SH3TC1: variants seen among roughly 807,000 people sequenced by gnomAD.
SH3TC1 encodes SH3 domain and tetratricopeptide repeats 1.
Under a neutral mutation model 117.3 loss-of-function variants are expected in SH3TC1, and 135 were observed. The ratio of observed to expected loss-of-function variants is 1.15; its 90% confidence interval spans 1.00 to 1.33. SH3TC1 has a LOEUF of 1.33. Among genes scored for constraint, SH3TC1 ranks in the 40% most tolerant of loss-of-function variants. The pLI is 0.00. For synonymous variants in SH3TC1, 898 were observed against 816.9 expected (o/e 1.10, Z -1.69); for missense variants, 2,092 against 1,794.3 (o/e 1.17, Z -3.00).
At chr4:8,202,760 CG>C (rs529478450) in intron 1 of SH3TC1, among the ~76,000 whole-genome samples, 38 of 152,330 alleles carry the variant, frequency 2.5e-4, no homozygotes, top group Admixed American at 2.2e-3. Context: ...ATTCCCTCCC[CG>C]GCCAGAGCTA....
Position 8,233,400 on chromosome 4 carries a change from C to A in SH3TC1, c.3169C>A (p.Leu1057Met). 1 of 1,613,776 alleles carries A rather than the reference C, an allele frequency of 6.2e-7. No homozygotes were observed. The highest frequency in any genetic ancestry group is 8.5e-7 in the Non-Finnish European group (1 of 1,179,842). The change falls in exon 14 of 18, where the codon CTG (leucine) becomes ATG (methionine). Residue 1057 changes from leucine (L) to methionine (M), a missense_variant. Leu to Met is a conservative substitution (Grantham distance 15). Transcript: ENST00000245105. ...CGCACTGGACTACACCAAACGAAGT[C>A]TGGGGATTTTCATTGACCTCCAGAA... ...KSALDYTKRSLGIFIDLQKKE... is the reference protein window; with the variant it reads ...KSALDYTKRSMGIFIDLQKKE...
In SH3TC1 at chr4:8,205,005, C is replaced by T. The variant is rs1718078186; in HGVS notation, c.-28-162C>T. 8.3e-6 allele frequency: 4 copies of T among 481,734 alleles called. No individual in the cohort carries two copies. Among genetic ancestry groups the T allele is most frequent in the Non-Finnish European group, 1.4e-5 (4 of 287,584 alleles). The allele number at this position is 481,734 out of a possible 1,614,324, so 29.8% of individuals were successfully genotyped here. ...CGCAGCAGCGGTGCGGGATCACGCC[C>T]ACCACAACACGGTGCACGGTGCGGT... On this transcript the variant is annotated intron_variant, in intron 1 of 17. Coordinates refer to ENST00000245105, the MANE Select transcript of SH3TC1 (RefSeq NM_018986.5). This position sits in a 1 kb window ranked among gnomAD's most constrained non-coding sequence, Gnocchi z 5.4.
Position 8,227,882 on chromosome 4 carries a change from G to C in SH3TC1, c.2188G>C (p.Val730Leu). The C allele has an allele frequency of 6.2e-7, 1 of 1,612,810 alleles. No individual in the cohort carries two copies. The highest frequency in any genetic ancestry group is 8.5e-7 in the Non-Finnish European group (1 of 1,179,980). The change falls in exon 12 of 18, where the codon GTC (valine) becomes CTC (leucine). Residue 730 changes from valine (V) to leucine (L), a missense_variant. Val to Leu is a conservative substitution (Grantham distance 32). Transcript: ENST00000245105. Reference sequence around the variant, plus strand: ...CCTGCCCCACCTGGTGCTGAGCTGTGTCAAGGTGGCCTCATTGCGGACACG... The same window carrying C: ...CCTGCCCCACCTGGTGCTGAGCTGTCTCAAGGTGGCCTCATTGCGGACACG... ...KCLPHLVLSC[V>L]KVASLRTRGS...
intron 4 of SH3TC1, chr4:8,213,113 C>T (rs1718900034): frequency 6.6e-6 from 3 of 456,388 alleles, no homozygotes; most frequent in Non-Finnish European, 3.9e-6. Flanking sequence ...GCCCTCCACC[C>T]ACAAGGACTG....
In SH3TC1 at chr4:8,210,980, C is replaced by T. The variant is rs1718620563; in HGVS notation, c.247+1158C>T. Among the ~76,000 whole-genome samples, 1 of 151,698 alleles carries T rather than the reference C, an allele frequency of 6.6e-6. No individual in the cohort carries two copies. The highest frequency in any genetic ancestry group is 1.5e-5 in the Non-Finnish European group (1 of 67,970). ...CAAAGGTGTGAGAATCCATCTCTGT[C>T]TCTGTCTCATTTCCATCTGTCTCTC... On this transcript the variant is annotated intron_variant, in intron 3 of 17. Coordinates refer to ENST00000245105, the MANE Select transcript of SH3TC1 (RefSeq NM_018986.5). The surrounding 1 kb of genome is among the most constrained non-coding windows in gnomAD (Gnocchi z 4.1).
chr4:8,207,960 G>A (rs1034961791), intron 2 of SH3TC1, among the ~76,000 whole-genome samples: 1 of 152,222 alleles, frequency 6.6e-6, no homozygotes, highest in Non-Finnish European at 1.5e-5. Context: ...CAGAGCCAGC[G>A]ACCATGACAC....
At chr4:8,184,829 C>CGAGATTGT (rs1204412131) in intron 1 of SH3TC1, among the ~76,000 whole-genome samples, 1 of 151,328 alleles carries the variant, frequency 6.6e-6, no homozygotes, top group African/African-American at 2.4e-5. Context: ...GTCAATCTCA[C>CGAGATTGT]GAGATTGTCG....
intron 12 of SH3TC1, among the ~76,000 whole-genome samples, chr4:8,230,947 T>C (rs2152994241): frequency 6.6e-6 from 1 of 152,004 alleles, no homozygotes; most frequent in Non-Finnish European, 1.5e-5. Flanking sequence ...ACCCGGCTAA[T>C]TTTTGTATTT....
chr4:8,232,943 C>A (rs959259665), intron 13 of SH3TC1: 7 of 1,192,094 alleles, frequency 5.9e-6, no homozygotes, highest in African/African-American at 1.6e-5. Flanking sequence ...GCCCCAGGCC[C>A]GTGGAGCCAG....
rs1290759980 is a variant in SH3TC1, at chr4:8,192,550, G to A, written c.-57+10340G>A. Among the ~76,000 whole-genome samples, 1 of 151,062 alleles carries A rather than the reference G, an allele frequency of 6.6e-6. No homozygotes were observed. Among genetic ancestry groups the A allele is most frequent in the South Asian group, 2.1e-4 (1 of 4,784 alleles). ...ACTCTGTTGCCCAGGCTGGAGTGCC[G>A]TGGCATGATCTCAGCTCACTGCAAC... is the stretch of plus-strand genomic sequence containing the variant. On this transcript the variant is annotated intron_variant, in intron 1 of 16. Transcript: ENST00000508641. This position sits in a 1 kb window ranked among gnomAD's most constrained non-coding sequence, Gnocchi z 4.1.
intron 4 of SH3TC1, among the ~76,000 whole-genome samples, chr4:8,214,235 G>T (rs953637613): frequency 6.6e-6 from 1 of 152,064 alleles, no homozygotes; most frequent in Non-Finnish European, 1.5e-5. Context: ...AGGAGCCAGG[G>T]CATGGGGGCC....
chr4:8,225,311 G>T lies in SH3TC1; in HGVS notation c.1285+95G>T. 3 of 1,404,258 alleles carry T rather than the reference G, an allele frequency of 2.1e-6. No homozygotes were observed. The highest frequency in any genetic ancestry group is 2.0e-6 in the Non-Finnish European group (2 of 1,014,396). 87.0% of individuals were successfully genotyped at this position (1,404,258 alleles called of 1,614,324 possible). A position where few individuals can be genotyped will look rare whatever the true frequency, so the allele number is the denominator to read the frequency against. ...GACAAAGCTGAGCACGGTGGGCATT[G>T]GGTGCGGCTGTCACCCCTCTGTGGT... On this transcript the variant is annotated intron_variant, in intron 11 of 17. Transcript: ENST00000245105. The surrounding 1 kb of genome is among the most constrained non-coding windows in gnomAD (Gnocchi z 5.5).
rs1158980304 is a variant in SH3TC1, at chr4:8,235,471, C to T, written c.3321C>T (p.Asn1107=). 6.2e-6 allele frequency: 10 copies of T among 1,600,030 alleles called. No individual in the cohort carries two copies. Among genetic ancestry groups the T allele is most frequent in the Non-Finnish European group, 8.5e-6 (10 of 1,172,056 alleles). The change falls in exon 15 of 18, where the codon AAC becomes AAT. Residue 1107 remains asparagine, a synonymous_variant. Coordinates refer to ENST00000245105, the MANE Select transcript of SH3TC1 (RefSeq NM_018986.5). The stretch of plus-strand genomic sequence containing the variant: ...TGGCCCTGTACACAGGCGACCCCAA[C>T]CTGGGGCTGGAGCTGTTTGAGGCGG... ...QNVALYTGDP[N]LGLELFEAAG...
intron 9 of SH3TC1, among the ~76,000 whole-genome samples, chr4:8,221,035 T>C (rs917030183): frequency 6.6e-6 from 1 of 152,236 alleles, no homozygotes; most frequent in East Asian, 1.9e-4. Context: ...AAACAAGGCA[T>C]CTTTTTCCTG....
rs150531772 is a variant in SH3TC1 at position 8,206,622 on chromosome 4, C to T, written c.172+1256C>T. 9.7e-4 allele frequency among the ~76,000 whole-genome samples: 148 copies of T among 151,910 alleles called. No individual in the cohort carries two copies. Among genetic ancestry groups the T allele is most frequent in the African/African-American group, 3.1e-3 (130 of 41,458 alleles). On this transcript the variant is annotated intron_variant, in intron 2 of 17. Transcript: ENST00000245105. This position sits in a 1 kb window ranked among gnomAD's most constrained non-coding sequence, Gnocchi z 5.5. ...CTGGAGTGAATCTCTGTGGACCGAG[C>T]GGAGGGGAGCTGAGGAAACTTTCCC...
At chr4:8,238,360 C>T (rs1722009966) in intron 17 of SH3TC1, among the ~76,000 whole-genome samples, 1 of 152,204 alleles carries the variant, frequency 6.6e-6, no homozygotes, top group African/African-American at 2.4e-5. Context: ...CTGCGCCCAG[C>T]CCTGCAGGGG....
chr4:8,195,969 C>T (rs898771753), upstream of SH3TC1, among the ~76,000 whole-genome samples: 1 of 152,148 alleles, frequency 6.6e-6, no homozygotes, highest in African/African-American at 2.4e-5. Flanking sequence ...ATGGGGGTGA[C>T]GAGGCCAGGG....
Position 8,190,959 on chromosome 4 carries a change from C to G in SH3TC1, c.-57+8749C>G, listed in dbSNP as rs761374355. Among the ~76,000 whole-genome samples, 1 of 152,152 alleles carries G rather than the reference C, an allele frequency of 6.6e-6. No homozygotes were observed. The highest frequency in any genetic ancestry group is 1.5e-5 in the Non-Finnish European group (1 of 68,030). ...GCCCAGCCCTGGCTCTGTGATTTTA[C>G]CCTCTCCGCACCTCTGTTCCTTGTG... On this transcript the variant is annotated intron_variant, in intron 1 of 16. Transcript: ENST00000508641. The surrounding 1 kb of genome is among the most constrained non-coding windows in gnomAD (Gnocchi z 4.7).
rs1436935881 is a variant in SH3TC1, at chr4:8,235,425, C to T, written c.3283-8C>T. ...GTGGGTCTTGAGGGAACTTCTGCCT[C>T]CTTTCAGGTGGCACAGAACGTGGCC... On this transcript the variant is annotated splice_polypyrimidine_tract_variant and splice_region_variant and intron_variant, in intron 14 of 17. Transcript: ENST00000245105. The T allele has an allele frequency of 2.0e-6, 3 of 1,493,984 alleles. No homozygotes were observed. The highest frequency in any genetic ancestry group is 2.7e-6 in the Non-Finnish European group (3 of 1,114,190). The allele number at this position is 1,493,984 out of a possible 1,614,324, so 92.5% of individuals were successfully genotyped here.
Sources: gnomAD v4.1 joint callset for allele counts (sites outside exome capture counted in the v4.1 genomes callset) on GRCh38, gnomAD v4.1.1 for gene constraint, Gnocchi (gnomAD v3.1) non-coding constraint, MANE v1.5 for transcripts, NCBI Gene and HGNC (gene_info 2026-07-23, HGNC 2026-07-21) for gene names.